RIMBP2: variants seen among roughly 807,000 people sequenced by gnomAD.
RIMBP2 encodes the protein RIMS-binding protein 2.
A neutral mutation model predicts 118.6 loss-of-function variants in RIMBP2; 48 were observed. The ratio of observed to expected loss-of-function variants is 0.40; its 90% confidence interval spans 0.32 to 0.51. The LOEUF (loss-of-function observed/expected upper bound fraction) is 0.51. Ranked by LOEUF, RIMBP2 falls within the 20% of genes least tolerant of loss-of-function variation. The pLI, the probability that RIMBP2 is intolerant of heterozygous loss-of-function variation, is 0.41. For synonymous variants in RIMBP2, 762 were observed against 742.9 expected (o/e 1.03, Z -0.42); for missense variants, 1,551 against 1,768.3 (o/e 0.88, Z 2.20).
chr12:130,550,020 T>A (rs2055583071), intron 2 of RIMBP2, among the ~76,000 whole-genome samples: 1 of 152,208 alleles, frequency 6.6e-6, no homozygotes, highest in Non-Finnish European at 1.5e-5. Flanking sequence ...CAGCATCTGT[T>A]ACTTTTTGGC....
intron 1 of RIMBP2, among the ~76,000 whole-genome samples, chr12:130,689,571 C>T (rs1019356625): frequency 3.3e-5 from 5 of 152,146 alleles, no homozygotes; most frequent in South Asian, 4.1e-4. Context: ...GGCTGTCTCC[C>T]GTGCAGTACG....
intron 5 of RIMBP2, among the ~76,000 whole-genome samples, chr12:130,477,827 G>A (rs1202652371): frequency 1.3e-5 from 2 of 152,234 alleles, no homozygotes; most frequent in African/African-American, 4.8e-5. Flanking sequence ...GGGCCACCTA[G>A]GGCAGAGGAG....
chr12:130,443,651 C>A (rs2078305894), intron 10 of RIMBP2, among the ~76,000 whole-genome samples: 1 of 152,198 alleles, frequency 6.6e-6, no homozygotes, highest in Non-Finnish European at 1.5e-5. Context: ...GACTTGGATT[C>A]CGTTCCAAAC....
At chr12:130,706,807 G>C (rs1034522718) in intron 1 of RIMBP2, among the ~76,000 whole-genome samples, 3 of 152,178 alleles carry the variant, frequency 2.0e-5, no homozygotes, top group African/African-American at 7.2e-5. Context: ...TCTCCAAACA[G>C]ACTTATCACC....
chr12:130,439,913 CTG>C (rs77456285), intron 11 of RIMBP2, among the ~76,000 whole-genome samples: 38,980 of 134,056 alleles, frequency 0.29, 6,293 homozygotes, highest in South Asian at 0.53. Flanking sequence ...CTATGTGAGT[CTG>C]TGGGGGTGTC....
intron 2 of RIMBP2, among the ~76,000 whole-genome samples, chr12:130,534,791 C>T (rs1375580139): frequency 6.6e-6 from 1 of 152,144 alleles, no homozygotes; most frequent in Admixed American, 6.5e-5. Context: ...CTAGGAGTTA[C>T]GTCTAAGCAA....
At chr12:130,399,268 T>A in intron 22 of RIMBP2, 1 of 577,054 alleles carries the variant, frequency 1.7e-6, no homozygotes, top group Non-Finnish European at 2.5e-6. Context: ...TAAACATGAA[T>A]GTAGTCTAAT....
At chr12:130,488,521 T>C (rs2082671470) in intron 4 of RIMBP2, among the ~76,000 whole-genome samples, 1 of 152,122 alleles carries the variant, frequency 6.6e-6, no homozygotes, top group African/African-American at 2.4e-5. Flanking sequence ...ATGCTAAATA[T>C]ATCCATCCAT....
chr12:130,619,832 A>T (rs921641431), intron 2 of RIMBP2, among the ~76,000 whole-genome samples: 2 of 152,028 alleles, frequency 1.3e-5, no homozygotes, highest in African/African-American at 4.8e-5. Context: ...TTGCCTGGTT[A>T]CTCTTGGAGA....
At chr12:130,605,936 T>C (rs4759735) in intron 2 of RIMBP2, among the ~76,000 whole-genome samples, 118,490 of 151,894 alleles carry the variant, frequency 0.78, 46,273 homozygotes, top group South Asian at 0.86. Flanking sequence ...GGCATGGTGG[T>C]GGGAGCCTGT....
chr12:130,715,287 ACGGAGCCAGCACCCCCGCCTCCCC>A (rs1440537845), intron 1 of RIMBP2, among the ~76,000 whole-genome samples: 4 of 152,044 alleles, frequency 2.6e-5, no homozygotes, highest in African/African-American at 7.2e-5. Flanking sequence ...CCACGCAGGC[ACGGAGCCAGCACCCCCGCCTCCCC>A]CGGGGCCAGT....
Position 130,597,620 on chromosome 12 carries a change from A to C in RIMBP2, c.-217+30702T>G, listed in dbSNP as rs2059634929. Among the ~76,000 whole-genome samples, 3 of 152,228 alleles carry C rather than the reference A, an allele frequency of 2.0e-5. No individual in the cohort carries two copies. The South Asian group carries it at 6.2e-4, about 31-fold the overall frequency. ...AACATGTGAAAAATCAATCGATGTC[A>C]TTCATTATACAAAGAATTCTATGAT... On this transcript the variant is annotated intron_variant, in intron 2 of 22. Coordinates refer to ENST00000690449, the MANE Select transcript of RIMBP2 (RefSeq NM_001393629.1).
intron 5 of RIMBP2, among the ~76,000 whole-genome samples, chr12:130,477,937 C>T (rs540495273): frequency 1.2e-4 from 19 of 152,308 alleles, no homozygotes; most frequent in African/African-American, 4.6e-4. Flanking sequence ...GAGGGCAGGG[C>T]TGGGTGGGGA....
chr12:130,666,319 G>T (rs1040435287), intron 1 of RIMBP2, among the ~76,000 whole-genome samples: 3 of 152,094 alleles, frequency 2.0e-5, no homozygotes, highest in Non-Finnish European at 4.4e-5. Flanking sequence ...TAAGGGGCTT[G>T]GCACAGGTCA....
intron 2 of RIMBP2, among the ~76,000 whole-genome samples, chr12:130,567,236 G>A (rs530361567): frequency 4.6e-5 from 7 of 152,300 alleles, no homozygotes; most frequent in South Asian, 2.1e-4. Context: ...AGAAGCAACC[G>A]TGGATTAAAG....
At position 130,424,077 on chromosome 12, in the gene RIMBP2, C is replaced by T. The variant is rs1245251799; in HGVS notation, c.3129+65G>A. The stretch of plus-strand genomic sequence containing the variant: ...GATGGACACCAGAACAAACAGAAAA[C>T]CAGTGAAAGGATGGGACAGATTGGT... On this transcript the variant is annotated intron_variant, in intron 16 of 22. Coordinates refer to ENST00000690449, the MANE Select transcript of RIMBP2 (RefSeq NM_001393629.1). The surrounding 1 kb of genome is among the most constrained non-coding windows in gnomAD (Gnocchi z 9.8). 2.3e-6 allele frequency: 2 copies of T among 885,672 alleles called. No individual in the cohort carries two copies. Among genetic ancestry groups the T allele is most frequent in the East Asian group, 3.3e-5 (1 of 30,094 alleles). 54.9% of individuals were successfully genotyped at this position (885,672 alleles called of 1,614,324 possible).
intron 1 of RIMBP2, among the ~76,000 whole-genome samples, chr12:130,712,605 C>T (rs1004163355): frequency 2.6e-5 from 4 of 152,182 alleles, no homozygotes; most frequent in African/African-American, 7.2e-5. Context: ...AAGGACCTGC[C>T]GGAGGCTGTT....
At chr12:130,553,466 GA>G (rs2139761067) in intron 2 of RIMBP2, among the ~76,000 whole-genome samples, 1 of 152,162 alleles carries the variant, frequency 6.6e-6, no homozygotes, top group South Asian at 2.1e-4. Context: ...TTAATATATA[GA>G]ATTTGAATGC....
intron 9 of RIMBP2, among the ~76,000 whole-genome samples, chr12:130,448,882 G>A (rs1253634917): frequency 6.6e-6 from 1 of 152,256 alleles, no homozygotes; most frequent in Non-Finnish European, 1.5e-5. Context: ...ACCAACGAGC[G>A]GAATGTGATC....
Sources: gnomAD v4.1 joint callset for allele counts (sites outside exome capture counted in the v4.1 genomes callset) on GRCh38, gnomAD v4.1.1 for gene constraint, Gnocchi (gnomAD v3.1) non-coding constraint, MANE v1.5 for transcripts, NCBI Gene and HGNC (gene_info 2026-07-23, HGNC 2026-07-21) for gene names.